IL7: variants seen among roughly 807,000 people sequenced by gnomAD.
The protein encoded by IL7 is interleukin-7.
A neutral mutation model predicts 21.6 loss-of-function variants in IL7; 3 were observed. The observed-to-expected ratio is 0.14, with a 90% CI of 0.06 to 0.36. The LOEUF (loss-of-function observed/expected upper bound fraction) is 0.36, where lower values mean the gene tolerates loss of function less well. Ranked by LOEUF, IL7 falls within the 10% of genes least tolerant of loss-of-function variation. IL7 has a pLI of 1.00. For synonymous variants in IL7, 62 were observed against 68.1 expected (o/e 0.91, Z 0.44); for missense variants, 175 against 200.2 (o/e 0.87, Z 0.76).
chr8:78,739,264 C>T (rs974872776), intron 3 of IL7, among the ~76,000 whole-genome samples: 39 of 152,010 alleles, frequency 2.6e-4, no homozygotes, highest in African/African-American at 9.4e-4. Context: ...TAATATTATA[C>T]CAACTAGATG....
chr8:78,768,020 G>A (rs183833166), intron 2 of IL7, among the ~76,000 whole-genome samples: 3,046 of 152,098 alleles, frequency 0.02, 93 homozygotes, highest in African/African-American at 0.07. Context: ...AATATGCGGT[G>A]TTTGGCTTTT....
Position 78,798,094 on chromosome 8 carries a change from A to G in IL7, c.125T>C (p.Met42Thr), listed in dbSNP as rs753090076. Residue 42 changes from methionine to threonine, a missense_variant, in exon 2 of 6, where the codon ATG (methionine) becomes ACG (threonine). Transcript: ENST00000263851. ...TACCAATAATTGATCGATGCTGACC[A>G]TTAGAACACTCTCATATTGTTTGCC... ...KDGKQYESVL[M>T]VSIDQLLDSM... is the part of the protein sequence containing the mutation. 26 of 1,611,852 alleles carry G rather than the reference A, an allele frequency of 1.6e-5. No homozygotes were observed. The East Asian group carries it at 5.8e-4, about 36-fold the overall frequency.
At chr8:78,795,969 G>T (rs139021164) in intron 2 of IL7, among the ~76,000 whole-genome samples, 1 of 152,126 alleles carries the variant, frequency 6.6e-6, no homozygotes, top group East Asian at 1.9e-4. Flanking sequence ...AGAGACAGTG[G>T]AGTAAAAGTC....
At chr8:78,787,566 T>G (rs764871488) in intron 2 of IL7, among the ~76,000 whole-genome samples, 1 of 152,160 alleles carries the variant, frequency 6.6e-6, no homozygotes, top group Non-Finnish European at 1.5e-5. Flanking sequence ...ACAATTTACC[T>G]TTTGTTAAAG....
intron 2 of IL7, chr8:78,747,188 C>CTT (rs1191243585): frequency 0.016 from 4,128 of 253,410 alleles, 15 homozygotes; most frequent in Middle Eastern, 0.03. Context: ...TACTTCATTG[C>CTT]TTTTTTTTTT....
At chr8:78,683,565 G>A (rs746827170) in intron 4 of IL7, among the ~76,000 whole-genome samples, 45 of 152,200 alleles carry the variant, frequency 3.0e-4, no homozygotes, top group Non-Finnish European at 1.9e-4. Context: ...CCTGGACCTG[G>A]CCTAGGAAAC....
chr8:78,753,422 G>C (rs1812242540), intron 2 of IL7, among the ~76,000 whole-genome samples: 1 of 151,974 alleles, frequency 6.6e-6, no homozygotes, highest in Admixed American at 6.6e-5. Context: ...TGATGGGTTT[G>C]TTTATTTTTT....
At chr8:78,768,384 C>G (rs564245564) in intron 2 of IL7, among the ~76,000 whole-genome samples, 149 of 150,632 alleles carry the variant, frequency 9.9e-4, no homozygotes, top group African/African-American at 3.4e-3. Flanking sequence ...TACAGTCCCA[C>G]CAACAGTGTA....
intron 3 of IL7, among the ~76,000 whole-genome samples, chr8:78,687,176 G>A (rs925606276): frequency 7.9e-5 from 12 of 151,542 alleles, no homozygotes; most frequent in Non-Finnish European, 1.5e-4. Context: ...CTGAGATACC[G>A]AAAAACTTAA....
intron 4 of IL7, chr8:78,721,210 C>G (rs796449567): frequency 1.7e-4 from 26 of 152,018 alleles, no homozygotes; most frequent in African/African-American, 5.8e-4. Context: ...CATGAAGATA[C>G]CAAAAAGTGC....
chr8:78,762,345 G>A lies in IL7; in HGVS notation c.148-22263C>T. On this transcript the variant is annotated intron_variant, in intron 2 of 5. Coordinates refer to ENST00000263851, the MANE Select transcript of IL7 (RefSeq NM_000880.4). Reference sequence around the variant, plus strand: ...TCCACCCACTTCTGGCATCTGGCAGGGTCCCGCGGGAAGCTGAAGAAGGCC... The same window carrying A: ...TCCACCCACTTCTGGCATCTGGCAGAGTCCCGCGGGAAGCTGAAGAAGGCC... 8 of 1,612,092 alleles carry A rather than the reference G, an allele frequency of 5.0e-6. No individual in the cohort carries two copies. In the South Asian group the frequency reaches 8.8e-5, roughly 18 times the overall value.
At chr8:78,701,218 A>G (rs1342687129) in intron 3 of IL7, among the ~76,000 whole-genome samples, 1 of 152,034 alleles carries the variant, frequency 6.6e-6, no homozygotes, top group African/African-American at 2.4e-5. Context: ...CTCCCCAGTT[A>G]CCTGTATTCT....
chr8:78,734,586 G>A (rs1462098264), intron 5 of IL7, among the ~76,000 whole-genome samples: 1 of 152,096 alleles, frequency 6.6e-6, no homozygotes, highest in African/African-American at 2.4e-5. Context: ...TCAGTTGTTT[G>A]TTTTACACTC....
chr8:78,712,287 G>T (rs1202371036), intron 3 of IL7, among the ~76,000 whole-genome samples: 4 of 151,958 alleles, frequency 2.6e-5, no homozygotes, highest in Admixed American at 2.6e-4. Context: ...AAGCATTTCT[G>T]TTGTACTAAA....
At chr8:78,748,366 G>C (rs1256820559) in intron 2 of IL7, among the ~76,000 whole-genome samples, 3 of 152,166 alleles carry the variant, frequency 2.0e-5, no homozygotes, top group Non-Finnish European at 4.4e-5. Context: ...GATAGTAAGA[G>C]AGAATCTAGA....
At chr8:78,703,373 G>T (rs1278365729) in intron 3 of IL7, among the ~76,000 whole-genome samples, 1 of 152,094 alleles carries the variant, frequency 6.6e-6, no homozygotes, top group African/African-American at 2.4e-5. Flanking sequence ...TGTCAGTGAG[G>T]TGTTAAAGTC....
chr8:78,737,831 T>C (rs949501948), intron 4 of IL7, among the ~76,000 whole-genome samples: 1 of 152,160 alleles, frequency 6.6e-6, no homozygotes, highest in East Asian at 1.9e-4. Flanking sequence ...TAAAGCACTG[T>C]ATTAAATATT....
At chr8:78,682,122 A>C (rs547892453) in intron 4 of IL7, among the ~76,000 whole-genome samples, 1 of 152,122 alleles carries the variant, frequency 6.6e-6, no homozygotes, top group East Asian at 1.9e-4. Context: ...TAGTAGGAAT[A>C]GTTGGGTATC....
intron 2 of IL7, among the ~76,000 whole-genome samples, chr8:78,763,974 G>C (rs935238681): frequency 1.3e-5 from 2 of 151,840 alleles, no homozygotes; most frequent in Non-Finnish European, 2.9e-5. Flanking sequence ...TTTGCTATTG[G>C]GGATAGCACT....
Sources: allele counts gnomAD v4.1 joint callset (sites outside exome capture counted in the v4.1 genomes callset), GRCh38; gene constraint gnomAD v4.1.1; transcripts MANE v1.5; gene names NCBI Gene and HGNC (gene_info 2026-07-23, HGNC 2026-07-21).